EHF: variants seen among roughly 807,000 people sequenced by gnomAD.
EHF encodes ESE3 transcription factor.
A neutral mutation model predicts 45.1 loss-of-function variants in EHF; 14 were observed. The ratio of observed to expected loss-of-function variants is 0.31; its 90% CI spans 0.21 to 0.49. The LOEUF (loss-of-function observed/expected upper bound fraction) is 0.49, where lower values mean the gene tolerates loss of function less well. EHF is among the 20% of genes least tolerant of loss of function. The pLI, the probability that EHF is intolerant of heterozygous loss-of-function variation, is 0.99. For missense variants in EHF, 282 were observed against 371.4 expected (o/e 0.76, Z 1.98); for synonymous variants, 136 against 131.8 (o/e 1.03, Z -0.22).
Position 34,661,459 on chromosome 11 carries a change from A to G in EHF, c.*2528A>G, listed in dbSNP as rs533016140. On this transcript the variant is annotated 3_prime_UTR_variant, in exon 9 of 9. Coordinates refer to ENST00000257831, the MANE Select transcript of EHF (RefSeq NM_012153.6). ...GCAATCTTTGCTAAGGAGTAAGTGA[A>G]TGTGAAGAGTACCAACTACAACAAT... Among the ~76,000 whole-genome samples, 1 of 152,304 alleles carries G rather than the reference A, an allele frequency of 6.6e-6. No homozygotes were observed. Among genetic ancestry groups the G allele is most frequent in the East Asian group, 1.9e-4 (1 of 5,182 alleles).
At chr11:34,657,735 A>C (rs190061230) in intron 7 of EHF, among the ~76,000 whole-genome samples, 44 of 152,048 alleles carry the variant, frequency 2.9e-4, no homozygotes, top group Admixed American at 7.9e-4. Flanking sequence ...GGCTGTGATG[A>C]ACTGTAATTG....
chr11:34,647,492 AG>A (rs1235451704), intron 3 of EHF, among the ~76,000 whole-genome samples: 1 of 152,240 alleles, frequency 6.6e-6, no homozygotes, highest in Non-Finnish European at 1.5e-5. Context: ...CACTGGCATA[AG>A]GTTCCCCTGA....
chr11:34,622,191 T>C (rs1038250827), intron 1 of EHF: 10 of 225,130 alleles, frequency 4.4e-5, no homozygotes, highest in Middle Eastern at 5.2e-4. Context: ...CAGGCTGAGG[T>C]GAGAAAGCGA....
chr11:34,632,458 C>T (rs1309693145), intron 1 of EHF: 2 of 1,495,534 alleles, frequency 1.3e-6, no homozygotes, highest in African/African-American at 2.8e-5. Context: ...ATTCAGCCAT[C>T]CAGACAACCC....
chr11:34,622,276 T>G (rs1590385622), intron 1 of EHF: 3 of 353,248 alleles, frequency 8.5e-6, no homozygotes, highest in South Asian at 5.5e-5. Flanking sequence ...AGATGGAGAG[T>G]GTATGCTTCT....
chr11:34,646,965 A>G, intron 3 of EHF: 1 of 486,258 alleles, frequency 2.1e-6, no homozygotes, highest in Non-Finnish European at 3.6e-6. Context: ...TTCGTAGAAT[A>G]CTTACTATCC....
intron 1 of EHF, chr11:34,632,430 A>T: frequency 6.8e-7 from 1 of 1,461,820 alleles, no homozygotes; most frequent in Non-Finnish European, 9.0e-7. Flanking sequence ...TAAACACACC[A>T]TTGTCTCAGA....
chr11:34,631,404 A>G (rs1852877466), intron 1 of EHF: 1 of 171,886 alleles, frequency 5.8e-6, no homozygotes, highest in African/African-American at 2.4e-5. Context: ...TGCTTAATTA[A>G]TGTTGTTCAT....
At chr11:34,633,171 T>C (rs1853062599) in intron 1 of EHF, among the ~76,000 whole-genome samples, 1 of 152,198 alleles carries the variant, frequency 6.6e-6, no homozygotes, top group South Asian at 2.1e-4. Flanking sequence ...TCAGAACTCA[T>C]ACTTTTGAGT....
chr11:34,651,874 A>G, intron 6 of EHF, 69 bp downstream of exon 6: 1 of 1,428,022 alleles, frequency 7.0e-7, no homozygotes, highest in Non-Finnish European at 9.7e-7. Flanking sequence ...AATTACCAAC[A>G]CTCTACATTT....
At chr11:34,637,217 G>A (rs1853516283) in intron 1 of EHF, among the ~76,000 whole-genome samples, 1 of 152,064 alleles carries the variant, frequency 6.6e-6, no homozygotes, top group Non-Finnish European at 1.5e-5. Flanking sequence ...AAACTTTAGG[G>A]TTAGACCAAG....
chr11:34,654,066 A>T (rs978551193), intron 6 of EHF, among the ~76,000 whole-genome samples: 3 of 152,242 alleles, frequency 2.0e-5, no homozygotes, highest in African/African-American at 7.2e-5. Context: ...ACGGTCTATT[A>T]GAACACTGAA....
At chr11:34,632,143 T>C (rs1333316698) in intron 1 of EHF, among the ~76,000 whole-genome samples, 13 of 152,224 alleles carry the variant, frequency 8.5e-5, no homozygotes. Flanking sequence ...CAAATTGGCA[T>C]GAACACTCAG....
At chr11:34,628,144 A>G (rs574186634) in intron 1 of EHF, among the ~76,000 whole-genome samples, 7 of 152,266 alleles carry the variant, frequency 4.6e-5, no homozygotes, top group African/African-American at 1.4e-4. Flanking sequence ...AGGCTGAGGC[A>G]GGAGAATCAT....
chr11:34,622,349 T>G, intron 1 of EHF: 1 of 1,206,506 alleles, frequency 8.3e-7, no homozygotes, highest in South Asian at 1.3e-5. Context: ...AGGGAGAAAG[T>G]GAGTGAATGG....
intron 7 of EHF, among the ~76,000 whole-genome samples, chr11:34,657,250 G>C (rs1328013809): frequency 4.1e-4 from 1 of 2,462 alleles, no homozygotes; most frequent in Non-Finnish European, 9.0e-4. Context: ...TGCAGGCATG[G>C]GGTTGGCAAT....
chr11:34,646,755 G>A (rs772654936), intron 3 of EHF, 71 bp downstream of exon 3: 6 of 1,576,006 alleles, frequency 3.8e-6, no homozygotes, highest in Non-Finnish European at 5.2e-6. Context: ...TTCTGCAGAT[G>A]ACAGGATTCT....
chr11:34,657,027 T>C, intron 7 of EHF, 57 bp downstream of exon 7: 1 of 1,596,878 alleles, frequency 6.3e-7, no homozygotes, highest in Non-Finnish European at 8.6e-7. Context: ...CGGGCACATC[T>C]GGAGGCCACT....
intron 1 of EHF, among the ~76,000 whole-genome samples, chr11:34,635,800 T>C (rs12221609): frequency 0.1 from 15,648 of 151,224 alleles, 1,664 homozygotes; most frequent in East Asian, 0.61. Flanking sequence ...CTTACCACTG[T>C]TCTTGGCAGC....
Sources: allele counts gnomAD v4.1 joint callset (sites outside exome capture counted in the v4.1 genomes callset), GRCh38; gene constraint gnomAD v4.1.1; transcripts MANE v1.5; gene names NCBI Gene and HGNC (gene_info 2026-07-23, HGNC 2026-07-21).